TCFL5: variants seen among roughly 807,000 people sequenced by gnomAD.
TCFL5 encodes transcription factor like 5.
A neutral mutation model predicts 44.3 loss-of-function variants in TCFL5; 9 were observed. That is an observed-to-expected ratio of 0.20 (90% CI 0.12 to 0.35). The LOEUF is 0.35. TCFL5 is among the 10% of genes least tolerant of loss of function. The pLI is 1.00. For missense variants in TCFL5, 603 were observed against 613.4 expected (o/e 0.98, Z 0.18); for synonymous variants, 319 against 271.6 (o/e 1.17, Z -1.72).
In TCFL5 at chr20:62,841,746, A is replaced by T; in HGVS notation, c.*229T>A. On this transcript the variant is annotated 3_prime_UTR_variant, in exon 6 of 6. Transcript: ENST00000335351. ...TACTAATTAATTATTACTAATTATT[A>T]AGATGGCTTCATCCCCAAATGGTCT... 2.8e-6 allele frequency: 1 copy of T among 361,004 alleles called. No homozygotes were observed. The highest frequency in any genetic ancestry group is 4.9e-6 in the Non-Finnish European group (1 of 202,964). The allele number at this position is 361,004 out of a possible 1,614,324, so 22.4% of individuals were successfully genotyped here. A position where few individuals can be genotyped will look rare whatever the true frequency, so the allele number is the denominator to read the frequency against.
chr20:62,855,335 G>T (rs554091459), intron 4 of TCFL5, among the ~76,000 whole-genome samples: 1 of 152,170 alleles, frequency 6.6e-6, no homozygotes, highest in East Asian at 1.9e-4. Context: ...TAGTATTGTT[G>T]GTTTTTCTTT....
Position 62,861,545 on chromosome 20 carries a change from G to T in TCFL5, c.126C>A (p.Thr42=), listed in dbSNP as rs374723929. ...CCGTCATCTCCACCAGGCTCAGGTC[G>T]GTGGTCGTGAAGCTCAGCCCCGGCT... ...LGEPGLSFTT[T]DLSLVEMTEV... Residue 42 remains threonine (T), a synonymous_variant, in exon 1 of 6, where the codon ACC becomes ACA. Coordinates refer to ENST00000335351, the MANE Select transcript of TCFL5 (RefSeq NM_006602.4). The surrounding 1 kb of genome is among the most constrained non-coding windows in gnomAD (Gnocchi z 4.0). 3 of 1,153,664 alleles carry T rather than the reference G, an allele frequency of 2.6e-6. No homozygotes were observed. The African/African-American group carries it at 4.9e-5, about 19-fold the overall frequency. 71.5% of individuals were successfully genotyped at this position (1,153,664 alleles called of 1,614,324 possible).
intron 5 of TCFL5, among the ~76,000 whole-genome samples, chr20:62,847,879 G>A (rs1006593303): frequency 9.9e-5 from 15 of 152,176 alleles, no homozygotes; most frequent in African/African-American, 2.9e-4. Flanking sequence ...GCGTGGTGGC[G>A]TGACCAAACG....
At chr20:62,860,936 C>G (rs999351973) in intron 1 of TCFL5, 88 bp downstream of exon 1, 2 of 946,882 alleles carry the variant, frequency 2.1e-6, no homozygotes, top group Non-Finnish European at 2.5e-6. Flanking sequence ...GCGTGCACAG[C>G]GAGGGCCCCC....
chr20:62,844,586 T>TC (rs2063718697), intron 5 of TCFL5, among the ~76,000 whole-genome samples: 1 of 150,704 alleles, frequency 6.6e-6, no homozygotes, highest in East Asian at 1.9e-4. Context: ...TTTTTTGTTT[T>TC]TTTTTTTTTG....
chr20:62,853,015 T>C (rs560952484), intron 5 of TCFL5: 14 of 1,263,560 alleles, frequency 1.1e-5, no homozygotes, highest in East Asian at 1.1e-4. Flanking sequence ...CGCAGAAGTA[T>C]AGTCACCCGG....
intron 4 of TCFL5, among the ~76,000 whole-genome samples, chr20:62,855,688 C>T (rs1482714624): frequency 6.6e-6 from 1 of 152,060 alleles, no homozygotes; most frequent in African/African-American, 2.4e-5. Flanking sequence ...ATCGCTTGAA[C>T]CTGGGAGGCG....
intron 5 of TCFL5, among the ~76,000 whole-genome samples, chr20:62,844,472 A>G (rs8116995): frequency 0.15 from 22,917 of 151,924 alleles, 2,553 homozygotes; most frequent in African/African-American, 0.31. Context: ...ATGCAGTGGC[A>G]CATCCACGGC....
At chr20:62,853,522 G>A (rs1256224590) in intron 5 of TCFL5, among the ~76,000 whole-genome samples, 1 of 152,030 alleles carries the variant, frequency 6.6e-6, no homozygotes, top group Non-Finnish European at 1.5e-5. Context: ...GTTAATTTTT[G>A]TATTTTTTAG....
chr20:62,853,312 T>C (rs1022632908), intron 5 of TCFL5, among the ~76,000 whole-genome samples: 10 of 151,734 alleles, frequency 6.6e-5, no homozygotes, highest in African/African-American at 2.4e-4. Flanking sequence ...ATCAGACTAT[T>C]TGACACTTAT....
intron 1 of TCFL5, 149 bp downstream of exon 1, chr20:62,860,875 C>T (rs8121209): frequency 0.26 from 163,498 of 621,556 alleles, 22,195 homozygotes; most frequent in Middle Eastern, 0.29. Context: ...TCGGGGCGGC[C>T]CCAGACCCGG....
At chr20:62,860,967 G>C (rs2063991267) in intron 1 of TCFL5, 57 bp downstream of exon 1, 1 of 986,150 alleles carries the variant, frequency 1.0e-6, no homozygotes, top group African/African-American at 1.8e-5. Flanking sequence ...CCCCGGCCCC[G>C]GCCCCGGCCT....
intron 5 of TCFL5, chr20:62,852,319 G>A: frequency 1.0e-6 from 1 of 985,358 alleles, no homozygotes; most frequent in South Asian, 4.7e-5. Context: ...GCCGGGACCT[G>A]GAACTCGGGT....
At chr20:62,845,454 A>C in intron 5 of TCFL5, 1 of 1,339,204 alleles carries the variant, frequency 7.5e-7, no homozygotes, top group Non-Finnish European at 9.6e-7. Context: ...TTTAGGATGC[A>C]ATTTAAAATG....
chr20:62,859,179 GAAT>G (rs1427144343), intron 3 of TCFL5, among the ~76,000 whole-genome samples, 182 bp downstream of exon 3: 2 of 152,192 alleles, frequency 1.3e-5, no homozygotes, highest in African/African-American at 4.8e-5. Flanking sequence ...TTGAGAATCA[GAAT>G]AATGTTTAAA....
intron 3 of TCFL5, among the ~76,000 whole-genome samples, chr20:62,858,489 G>A (rs1269863826): frequency 1.3e-5 from 2 of 152,178 alleles, no homozygotes; most frequent in Admixed American, 6.5e-5. Flanking sequence ...AAATTTTATA[G>A]GGAGGAAAAG....
In TCFL5 at chr20:62,842,364, TTTA is replaced by T. The variant is rs2147239707; in HGVS notation, c.1381-270_1381-268del. Among the ~76,000 whole-genome samples the T allele has an allele frequency of 6.6e-6, 1 of 152,362 alleles. No homozygotes were observed. The highest frequency in any genetic ancestry group is 2.1e-4 in the South Asian group (1 of 4,830). The stretch of plus-strand genomic sequence containing the variant: ...GAATGTCTGGCCACACTGTATTGAT[TTTA>T]TTGTGGTAAAATATACATGACATGA... On this transcript the variant is annotated intron_variant, in intron 5 of 5. Coordinates refer to ENST00000335351, the MANE Select transcript of TCFL5 (RefSeq NM_006602.4). This position sits in a 1 kb window ranked among gnomAD's most constrained non-coding sequence, Gnocchi z 4.3.
intron 5 of TCFL5, among the ~76,000 whole-genome samples, chr20:62,850,940 T>A (rs1294968550): frequency 1.3e-5 from 2 of 151,956 alleles, no homozygotes; most frequent in Admixed American, 6.6e-5. Flanking sequence ...AAGGCCCTGC[T>A]CCCACTGTCT....
chr20:62,841,802 C>T lies in TCFL5; in HGVS notation c.*173G>A. The stretch of plus-strand genomic sequence containing the variant: ...GACATTCATGGATAAGCATTTGCGT[C>T]TAGATAAATATTTTTACAAAATGTG... On this transcript the variant is annotated 3_prime_UTR_variant, in exon 6 of 6. Transcript: ENST00000335351. The T allele has an allele frequency of 1.4e-6, 1 of 702,660 alleles. No homozygotes were observed. Among genetic ancestry groups the T allele is most frequent in the African/African-American group, 1.8e-5 (1 of 55,046 alleles). 43.5% of individuals were successfully genotyped at this position (702,660 alleles called of 1,614,324 possible).
Sources: allele counts gnomAD v4.1 joint callset (sites outside exome capture counted in the v4.1 genomes callset), GRCh38; gene constraint gnomAD v4.1.1; non-coding constraint Gnocchi (gnomAD v3.1); transcripts MANE v1.5; gene names NCBI Gene and HGNC (gene_info 2026-07-23, HGNC 2026-07-21).